Variants in MSRA observed in about 807,000 individuals in gnomAD.
MSRA encodes the protein methionine sulfoxide reductase A.
Under a neutral mutation model 31.3 loss-of-function variants are expected in MSRA, and 54 were observed. That is an observed-to-expected ratio of 1.73 (90% CI 1.39 to 2.17). The LOEUF is 2.17. Among genes scored for constraint, MSRA ranks in the 30% most tolerant of loss-of-function variants. MSRA has a pLI of 0.00. For missense variants in MSRA, 507 were observed against 300.9 expected (o/e 1.69, Z -5.07); for synonymous variants, 169 against 116.5 (o/e 1.45, Z -2.90).
intron 2 of MSRA, among the ~76,000 whole-genome samples, chr8:10,208,279 A>G (rs970890299): frequency 6.6e-6 from 1 of 151,854 alleles, no homozygotes; most frequent in African/African-American, 2.4e-5. Context: ...TTGACTTATT[A>G]TTACACAAAG....
intron 4 of MSRA, among the ~76,000 whole-genome samples, chr8:10,317,168 G>C (rs1234269412): frequency 2.6e-5 from 4 of 152,224 alleles, no homozygotes; most frequent in African/African-American, 9.6e-5. Context: ...AGCGATTTCA[G>C]ACCCTGAGGC....
At chr8:10,058,256 A>G (rs1436283781) in intron 1 of MSRA, among the ~76,000 whole-genome samples, 2 of 152,236 alleles carry the variant, frequency 1.3e-5, no homozygotes, top group African/African-American at 4.8e-5. Context: ...TCTTTGAAAA[A>G]AAATTGAACT....
chr8:10,153,859 G>A (rs573161943), intron 1 of MSRA, among the ~76,000 whole-genome samples: 6 of 152,102 alleles, frequency 3.9e-5, no homozygotes, highest in South Asian at 2.1e-4. Context: ...CTTTTATTTC[G>A]GATCCAGGCT....
intron 3 of MSRA, among the ~76,000 whole-genome samples, chr8:10,249,181 T>C (rs937773650): frequency 6.6e-6 from 1 of 152,166 alleles, no homozygotes; most frequent in African/African-American, 2.4e-5. Context: ...TTCTAATCTT[T>C]TGTCCTCCTG....
intron 5 of MSRA, among the ~76,000 whole-genome samples, chr8:10,416,929 G>C (rs1365253235): frequency 6.6e-6 from 1 of 152,196 alleles, no homozygotes; most frequent in Non-Finnish European, 1.5e-5. Flanking sequence ...CAAACCAAGA[G>C]AAATATCCTT....
intron 5 of MSRA, among the ~76,000 whole-genome samples, chr8:10,341,733 T>C (rs977572289): frequency 2.6e-5 from 4 of 152,096 alleles, no homozygotes; most frequent in Non-Finnish European, 5.9e-5. Flanking sequence ...ACCTCGGAGG[T>C]TGATGGTGTG....
intron 1 of MSRA, among the ~76,000 whole-genome samples, chr8:10,092,664 C>G (rs917008973): frequency 1.3e-5 from 2 of 148,974 alleles, no homozygotes; most frequent in African/African-American, 2.6e-5. Flanking sequence ...AAATTCTGCT[C>G]TTGTTGGGTA....
intron 1 of MSRA, chr8:10,095,884 T>A: frequency 1.6e-6 from 2 of 1,284,008 alleles, no homozygotes; most frequent in Non-Finnish European, 9.9e-7. Flanking sequence ...ATTTTTTGCA[T>A]GTATGATTAT....
At chr8:10,176,196 A>C (rs1485761306) in intron 1 of MSRA, among the ~76,000 whole-genome samples, 1 of 152,166 alleles carries the variant, frequency 6.6e-6, no homozygotes, top group Non-Finnish European at 1.5e-5. Context: ...ATGTCACATT[A>C]TGGTTTTAAA....
intron 3 of MSRA, among the ~76,000 whole-genome samples, chr8:10,282,384 C>T (rs1799668060): frequency 6.6e-6 from 1 of 152,218 alleles, no homozygotes; most frequent in Non-Finnish European, 1.5e-5. Flanking sequence ...ATAATTTATA[C>T]TGACCTCCAT....
At chr8:10,178,649 G>A (rs1276358711) in intron 1 of MSRA, among the ~76,000 whole-genome samples, 2 of 152,136 alleles carry the variant, frequency 1.3e-5, no homozygotes, top group African/African-American at 2.4e-5. Flanking sequence ...AGACATCAGT[G>A]TCAATAATGA....
chr8:10,362,199 G>A (rs1804889396), intron 5 of MSRA, among the ~76,000 whole-genome samples: 1 of 152,132 alleles, frequency 6.6e-6, no homozygotes, highest in African/African-American at 2.4e-5. Flanking sequence ...CAGTATTAAT[G>A]TCATACTTTA....
At chr8:10,341,272 T>A (rs1803410590) in intron 5 of MSRA, among the ~76,000 whole-genome samples, 1 of 152,148 alleles carries the variant, frequency 6.6e-6, no homozygotes, top group Non-Finnish European at 1.5e-5. Context: ...TAGGGAGGCC[T>A]CAGGAAGTTT....
intron 1 of MSRA, among the ~76,000 whole-genome samples, chr8:10,084,940 A>G (rs1798482019): frequency 6.6e-6 from 1 of 152,188 alleles, no homozygotes; most frequent in South Asian, 2.1e-4. Flanking sequence ...TTTCAGATGA[A>G]GCTGGTTCCC....
chr8:10,387,755 G>C (rs926111201), intron 5 of MSRA, among the ~76,000 whole-genome samples: 2 of 152,210 alleles, frequency 1.3e-5, no homozygotes, highest in African/African-American at 4.8e-5. Flanking sequence ...TTCTCCTGTA[G>C]TTCATCTTTC....
At chr8:10,400,098 A>T (rs1318532612) in intron 5 of MSRA, among the ~76,000 whole-genome samples, 1 of 151,884 alleles carries the variant, frequency 6.6e-6, no homozygotes, top group Non-Finnish European at 1.5e-5. Flanking sequence ...GAGGTAGGTG[A>T]TAAACCATTG....
chr8:10,060,582 G>T (rs561524777), intron 1 of MSRA, among the ~76,000 whole-genome samples: 1 of 150,568 alleles, frequency 6.6e-6, no homozygotes, highest in East Asian at 1.9e-4. Context: ...GATCTGTCTC[G>T]CTGTTTTTAG....
chr8:10,210,948 C>G (rs1013146035), intron 2 of MSRA, among the ~76,000 whole-genome samples: 2 of 151,434 alleles, frequency 1.3e-5, no homozygotes, highest in African/African-American at 2.4e-5. Flanking sequence ...GTTGGCCAGG[C>G]TGGTCTCGAA....
intron 5 of MSRA, among the ~76,000 whole-genome samples, chr8:10,322,327 G>A (rs1802088898): frequency 6.6e-6 from 1 of 151,476 alleles, no homozygotes; most frequent in African/African-American, 2.4e-5. Flanking sequence ...AGCTATTATA[G>A]GATTCCGGGC....
Sources: gnomAD v4.1 joint callset for allele counts (sites outside exome capture counted in the v4.1 genomes callset) on GRCh38, gnomAD v4.1.1 for gene constraint, MANE v1.5 for transcripts, NCBI Gene and HGNC (gene_info 2026-07-23, HGNC 2026-07-21) for gene names.